The following RTN4 variants were observed in gnomAD, a reference collection of about 807,000 sequenced individuals.
RTN4 encodes the protein reticulon-4.
In RTN4, 32 loss-of-function variants were observed where a neutral mutation model predicts 90.4. That is an observed-to-expected ratio of 0.35 (90% confidence interval 0.27 to 0.48). RTN4 has a LOEUF of 0.48. Among genes scored for constraint, RTN4 ranks in the 20% least tolerant of loss-of-function variants. The pLI, the probability that RTN4 is intolerant of heterozygous loss-of-function variation, is 0.99. For synonymous variants in RTN4, 629 were observed against 552.5 expected (o/e 1.14, Z -1.94); for missense variants, 1,706 against 1,430.2 (o/e 1.19, Z -3.11).
chr2:55,093,938 T>C (rs1668987075), intron 1 of RTN4, among the ~76,000 whole-genome samples: 1 of 152,190 alleles, frequency 6.6e-6, no homozygotes, highest in Non-Finnish European at 1.5e-5. Flanking sequence ...ATAAATGGAA[T>C]ATGAGAGGGA....
At chr2:55,080,983 A>T (rs1668701791) in intron 1 of RTN4, among the ~76,000 whole-genome samples, 2 of 152,228 alleles carry the variant, frequency 1.3e-5, no homozygotes, top group Admixed American at 1.3e-4. Flanking sequence ...TACTTTTTAA[A>T]AAATATTCAG....
At chr2:54,985,451 C>T (rs181049017) in intron 4 of RTN4, among the ~76,000 whole-genome samples, 13 of 152,214 alleles carry the variant, frequency 8.5e-5, no homozygotes, top group South Asian at 6.2e-4. Flanking sequence ...TGAGCCAACA[C>T]GTTTGGCTGG....
the RTN4 span, among the ~76,000 whole-genome samples, chr2:55,121,538 G>T: frequency 2.0e-5 from 3 of 152,200 alleles, no homozygotes; most frequent in Admixed American, 6.5e-5. Context: ...TGAACAGAAG[G>T]CTCTGGGAAA....
At chr2:54,975,052 TAAC>T (rs1476218525) in intron 5 of RTN4, among the ~76,000 whole-genome samples, 7 of 152,212 alleles carry the variant, frequency 4.6e-5, no homozygotes, top group Non-Finnish European at 1.0e-4. Flanking sequence ...CCTCCAGCCC[TAAC>T]AACATTTACC....
chr2:54,977,254 C>A (rs1007228507), intron 5 of RTN4, among the ~76,000 whole-genome samples: 4 of 152,204 alleles, frequency 2.6e-5, no homozygotes, highest in African/African-American at 4.8e-5. Flanking sequence ...TTTGGACTCT[C>A]TCTATATCCC....
intron 3 of RTN4, among the ~76,000 whole-genome samples, chr2:55,008,981 G>C (rs1573368650): frequency 6.6e-6 from 1 of 152,162 alleles, no homozygotes; most frequent in East Asian, 1.9e-4. Flanking sequence ...AAAACCCAAA[G>C]CTGTATTGTT....
At chr2:55,034,301 G>C (rs1682530121) in intron 1 of RTN4, among the ~76,000 whole-genome samples, 2 of 152,078 alleles carry the variant, frequency 1.3e-5, no homozygotes, top group South Asian at 4.1e-4. Context: ...TGGGGTACGA[G>C]ACCAGCCCAG....
chr2:55,005,343 C>T (rs1680135626), intron 3 of RTN4, among the ~76,000 whole-genome samples: 1 of 152,132 alleles, frequency 6.6e-6, no homozygotes, highest in South Asian at 2.1e-4. Flanking sequence ...GCTATTTCCA[C>T]CATTGCTCCC....
Position 55,027,240 on chromosome 2 carries a change from T to C in RTN4, c.859A>G (p.Arg287Gly), listed in dbSNP as rs1681966187. 1 of 1,613,652 alleles carries C rather than the reference T, an allele frequency of 6.2e-7. No individual in the cohort carries two copies. The highest frequency in any genetic ancestry group is 1.1e-5 in the South Asian group (1 of 91,080). Residue 287 changes from arginine to glycine, a missense_variant, in exon 3 of 9, where the codon AGA (arginine) becomes GGA (glycine). Coordinates refer to ENST00000337526, the MANE Select transcript of RTN4 (RefSeq NM_020532.5). The part of the protein sequence containing the change: ...SEKAKTLLID[R>G]DLTEFSELEY... ...AATTCTGAAAACTCTGTTAAATCTC[T>C]ATCTATGAGTAGAGTTTTTGCCTTC...
rs1350610159 is a variant in RTN4 at position 55,095,447 on chromosome 2, T to C, written c.-213-14808A>G. ...TAACATCTTATATTTGTGAGGTCCA[T>C]TTGTTATAATTGATGAACCAACCAA... On this transcript the variant is annotated intron_variant, in intron 1 of 3. Coordinates refer to the RTN4 transcript ENST00000427710. Among the ~76,000 whole-genome samples, 3 of 152,326 alleles carry C rather than the reference T, an allele frequency of 2.0e-5. No homozygotes were observed. In the East Asian group the frequency reaches 5.8e-4, roughly 29 times the overall value.
chr2:55,102,452 C>T (rs1052173635), intron 1 of RTN4, among the ~76,000 whole-genome samples: 6 of 152,070 alleles, frequency 3.9e-5, no homozygotes, highest in African/African-American at 1.4e-4. Flanking sequence ...AGGGACATAG[C>T]TGTGTTTCAA....
intron 3 of RTN4, among the ~76,000 whole-genome samples, chr2:54,990,825 G>A (rs773414607): frequency 2.7e-4 from 41 of 151,332 alleles, no homozygotes; most frequent in Non-Finnish European, 3.1e-4. Context: ...TCGCACTGTC[G>A]CCCGGGCTGG....
At position 55,071,509 on chromosome 2, in the gene RTN4, G is replaced by A. The variant is rs1028255197; in HGVS notation, c.-63+8980C>T. Among the ~76,000 whole-genome samples, 8 of 131,630 alleles carry A rather than the reference G, an allele frequency of 6.1e-5. No homozygotes were observed. The Admixed American group carries it at 7.1e-4, about 12-fold the overall frequency. 86.4% of individuals were successfully genotyped at this position (131,630 alleles called of 152,430 possible). On this transcript the variant is annotated intron_variant, in intron 2 of 3. Coordinates refer to the RTN4 transcript ENST00000427710. Reference sequence around the variant, plus strand: ...TTCTACTTCTAACTACATAGAATTTGTGTTGCTGGTATAGGAGAGGCACCA... The same window carrying A: ...TTCTACTTCTAACTACATAGAATTTATGTTGCTGGTATAGGAGAGGCACCA...
intron 1 of RTN4, chr2:55,046,836 A>C (rs200938536): frequency 3.5e-4 from 54 of 152,352 alleles, no homozygotes; most frequent in African/African-American, 1.3e-3. Context: ...AAAGTTTCCC[A>C]ATAGGTATCA....
chr2:55,133,944 A>T, the RTN4 span, among the ~76,000 whole-genome samples: 1 of 152,164 alleles, frequency 6.6e-6, no homozygotes, highest in East Asian at 1.9e-4. Context: ...AGCAACCCCA[A>T]AGGCTGCTGG....
chr2:55,084,372 C>T (rs953844595), intron 1 of RTN4, among the ~76,000 whole-genome samples: 17 of 149,912 alleles, frequency 1.1e-4, no homozygotes, highest in Admixed American at 9.3e-4. Flanking sequence ...ATCTCCTGGG[C>T]TCATGTGATC....
At chr2:55,109,983 G>A (rs749863831) in intron 1 of RTN4, among the ~76,000 whole-genome samples, 4 of 152,116 alleles carry the variant, frequency 2.6e-5, no homozygotes, top group Non-Finnish European at 5.9e-5. Context: ...ATAAGGGAAG[G>A]ATGATAAATA....
At chr2:55,043,362 T>C (rs1163371984) in intron 1 of RTN4, among the ~76,000 whole-genome samples, 1 of 152,224 alleles carries the variant, frequency 6.6e-6, no homozygotes, top group African/African-American at 2.4e-5. Context: ...CCATTCAGTT[T>C]ATACTTTTAT....
At chr2:55,120,666 C>CG in the RTN4 span, among the ~76,000 whole-genome samples, 1 of 152,128 alleles carries the variant, frequency 6.6e-6, no homozygotes, top group Admixed American at 6.5e-5. Flanking sequence ...AAAAATGTCT[C>CG]TGAGTGAAGC....
Sources: gnomAD v4.1 joint callset for allele counts (sites outside exome capture counted in the v4.1 genomes callset) on GRCh38, gnomAD v4.1.1 for gene constraint, MANE v1.5 for transcripts, NCBI Gene and HGNC (gene_info 2026-07-23, HGNC 2026-07-21) for gene names.